Variants in ZFHX3 observed in about 807,000 individuals in gnomAD.
The protein encoded by ZFHX3 is zinc finger homeobox protein 3.
In ZFHX3, 42 loss-of-function variants were observed where a neutral mutation model predicts 279.1. That is an observed-to-expected ratio of 0.15 (90% CI 0.12 to 0.19). ZFHX3 has a LOEUF of 0.19. Ranked by LOEUF, ZFHX3 falls within the 10% of genes least tolerant of loss-of-function variation. The pLI is 1.00. For missense variants in ZFHX3, 4,981 were observed against 4,754.0 expected (o/e 1.05, Z -1.40); for synonymous variants, 2,293 against 1,957.8 (o/e 1.17, Z -4.52).
Position 73,075,638 on chromosome 16 carries a change from CT to C in ZFHX3, c.-532-16627del, listed in dbSNP as rs1237376208. Among the ~76,000 whole-genome samples the C allele has an allele frequency of 5.0e-3, 723 of 144,042 alleles. 3 individuals are homozygous for C. Among genetic ancestry groups the C allele is most frequent in the African/African-American group, 0.014 (536 of 39,646 alleles). 94.5% of individuals were successfully genotyped at this position (144,042 alleles called of 152,430 possible). A position where few individuals can be genotyped will look rare whatever the true frequency, so the allele number is the denominator to read the frequency against. The stretch of plus-strand genomic sequence containing the variant: ...AAGAGCTACCTAGAAGAATCAAAGA[CT>C]TTTTTTTTTTTTGAGATGGAGTCTC... On this transcript the variant is annotated intron_variant, in intron 8 of 17. Coordinates refer to the ZFHX3 transcript ENST00000641206.
intron 2 of ZFHX3, among the ~76,000 whole-genome samples, chr16:73,472,436 G>T (rs192955717): frequency 2.6e-4 from 39 of 152,266 alleles, no homozygotes; most frequent in Middle Eastern, 3.4e-3. Context: ...AAGCCACAAA[G>T]CTTCAAGTTC....
intron 4 of ZFHX3, among the ~76,000 whole-genome samples, chr16:73,261,665 A>ATTTTTTTT (rs1201579873): frequency 2.8e-5 from 2 of 71,450 alleles, no homozygotes; most frequent in African/African-American, 4.4e-5. Context: ...CATTCCTGTG[A>ATTTTTTTT]TTGTTTTTTT....
At chr16:73,647,169 C>G (rs897417904) in intron 2 of ZFHX3, among the ~76,000 whole-genome samples, 1 of 152,074 alleles carries the variant, frequency 6.6e-6, no homozygotes, top group Non-Finnish European at 1.5e-5. Context: ...CCTGCCACCA[C>G]AGGCAGCTAA....
chr16:73,208,486 A>C (rs1187343159), intron 5 of ZFHX3, among the ~76,000 whole-genome samples: 1 of 152,226 alleles, frequency 6.6e-6, no homozygotes, highest in Non-Finnish European at 1.5e-5. Context: ...TCAAAGATTT[A>C]AATGAAAATA....
rs77159736 is a variant in ZFHX3 at position 73,871,610 on chromosome 16, T to C, written c.-1608+20041A>G. On this transcript the variant is annotated intron_variant, in intron 1 of 17. Transcript: ENST00000641206. ...GCAGTCATCTCCCATAATTTGCTAA[T>C]GGTGAAATAAATTAGTGACCAAATA... is the stretch of plus-strand genomic sequence containing the variant. Among the ~76,000 whole-genome samples, 1,185 of 152,206 alleles carry C rather than the reference T, an allele frequency of 7.8e-3. 16 individuals carry two copies. The highest frequency in any genetic ancestry group is 0.027 in the African/African-American group (1,107 of 41,518).
At chr16:73,136,424 G>T (rs1966794178) in intron 6 of ZFHX3, among the ~76,000 whole-genome samples, 1 of 151,112 alleles carries the variant, frequency 6.6e-6, no homozygotes, top group South Asian at 2.2e-4. Flanking sequence ...TGCAGTTTTT[G>T]CCATTAAAAG....
intron 3 of ZFHX3, among the ~76,000 whole-genome samples, chr16:73,387,748 G>A (rs1289860063): frequency 1.3e-5 from 2 of 151,974 alleles, no homozygotes; most frequent in East Asian, 3.9e-4. Flanking sequence ...ACCATGTATA[G>A]TAATATAATA....
intron 3 of ZFHX3, among the ~76,000 whole-genome samples, chr16:72,893,489 T>C (rs1341221682): frequency 2.0e-5 from 3 of 152,212 alleles, no homozygotes; most frequent in African/African-American, 4.8e-5. Context: ...TCTTGGGTCA[T>C]AGGACCGTAT....
In ZFHX3 at chr16:72,888,638, G is replaced by A. The variant is rs894351245; in HGVS notation, c.3448+1093C>T. On this transcript the variant is annotated intron_variant, in intron 4 of 9. Coordinates refer to ENST00000268489, the MANE Select transcript of ZFHX3 (RefSeq NM_006885.4). ...TCAGAGGACAAGAGAAAAACACCCC[G>A]GAAGCCAAGGGAAGGCAAGGGAAGG... Among the ~76,000 whole-genome samples, 11 of 152,292 alleles carry A rather than the reference G, an allele frequency of 7.2e-5. 1 individual carries two copies. The highest frequency in any genetic ancestry group is 4.8e-5 in the African/African-American group (2 of 41,560).
At chr16:73,075,206 A>G (rs552466664) in intron 8 of ZFHX3, among the ~76,000 whole-genome samples, 1 of 152,220 alleles carries the variant, frequency 6.6e-6, no homozygotes, top group East Asian at 1.9e-4. Context: ...CACAGTGCTT[A>G]GAGAGGCTGA....
intron 3 of ZFHX3, among the ~76,000 whole-genome samples, chr16:73,442,422 G>A (rs563931121): frequency 7.3e-5 from 11 of 150,638 alleles, no homozygotes; most frequent in African/African-American, 2.7e-4. Context: ...GCTGTAGCAC[G>A]ATCATAGCTC....
intron 2 of ZFHX3, among the ~76,000 whole-genome samples, chr16:73,520,981 C>T (rs146641551): frequency 1.9e-3 from 283 of 152,292 alleles, no homozygotes; most frequent in African/African-American, 5.9e-3. Flanking sequence ...TCACAAAACA[C>T]GGTGTACAAA....
Position 72,854,938 on chromosome 16 carries a change from TG to T in ZFHX3, c.3449-25080del, listed in dbSNP as rs373623618. On this transcript the variant is annotated intron_variant, in intron 4 of 9. Coordinates refer to ENST00000268489, the MANE Select transcript of ZFHX3 (RefSeq NM_006885.4). ...AGAAATTAAAACACAAATTGGTGGG[TG>T]GGGGGGGGGTGTCAAATGGAAAAAA... 2.1e-3 allele frequency among the ~76,000 whole-genome samples: 154 copies of T among 73,828 alleles called. 2 individuals are homozygous for T. Among genetic ancestry groups the T allele is most frequent in the Middle Eastern group, 6.8e-3 (1 of 148 alleles). 48.4% of individuals were successfully genotyped at this position (73,828 alleles called of 152,430 possible). A position where few individuals can be genotyped will look rare whatever the true frequency, so the allele number is the denominator to read the frequency against.
chr16:72,887,605 G>T (rs1005639080), intron 4 of ZFHX3, among the ~76,000 whole-genome samples: 3 of 151,132 alleles, frequency 2.0e-5, no homozygotes, highest in African/African-American at 7.3e-5. Context: ...TGGGTAGAGT[G>T]AGGGTGCGTG....
At chr16:73,145,880 A>G (rs2144839913) in intron 5 of ZFHX3, among the ~76,000 whole-genome samples, 1 of 152,366 alleles carries the variant, frequency 6.6e-6, no homozygotes, top group East Asian at 1.9e-4. Flanking sequence ...GAACATAAAA[A>G]GAAGGCAATC....
chr16:73,388,897 T>C (rs2016953957), intron 3 of ZFHX3: 1 of 152,234 alleles, frequency 6.6e-6, no homozygotes, highest in Non-Finnish European at 1.5e-5. Flanking sequence ...GGGGTACCTC[T>C]GGGGCTGGCG....
intron 2 of ZFHX3, among the ~76,000 whole-genome samples, chr16:73,572,946 T>C (rs2051756915): frequency 6.6e-6 from 1 of 152,168 alleles, no homozygotes; most frequent in South Asian, 2.1e-4. Flanking sequence ...TCTTTGTATA[T>C]CTTTATTACA....
chr16:73,689,605 T>G (rs1306491647), intron 1 of ZFHX3, among the ~76,000 whole-genome samples: 1 of 152,090 alleles, frequency 6.6e-6, no homozygotes, highest in Non-Finnish European at 1.5e-5. Context: ...GCTAAGGGAA[T>G]GTGAAGTCAG....
At chr16:73,508,997 A>G (rs1366607907) in intron 2 of ZFHX3, among the ~76,000 whole-genome samples, 3 of 152,192 alleles carry the variant, frequency 2.0e-5, no homozygotes, top group Non-Finnish European at 2.9e-5. Context: ...GAGAAATTCA[A>G]TGGCAATGGA....
Sources: allele counts gnomAD v4.1 joint callset (sites outside exome capture counted in the v4.1 genomes callset), GRCh38; gene constraint gnomAD v4.1.1; transcripts MANE v1.5; gene names NCBI Gene and HGNC (gene_info 2026-07-23, HGNC 2026-07-21).